The following LIAS variants were observed in gnomAD, a reference collection of about 807,000 sequenced individuals.
The protein encoded by LIAS is lipoyl synthase, mitochondrial.
A neutral mutation model predicts 49.4 loss-of-function variants in LIAS; 36 were observed. That is an observed-to-expected ratio of 0.73 (90% confidence interval 0.56 to 0.96). LIAS has a LOEUF of 0.96. Ranked by LOEUF, LIAS falls within the 40% of genes least tolerant of loss-of-function variation. The probability of loss-of-function intolerance (pLI) is 0.00; values close to 1 mark genes in which losing one functional copy is unlikely to be tolerated. For synonymous variants in LIAS, 145 were observed against 155.8 expected (o/e 0.93, Z 0.52); for missense variants, 399 against 456.3 (o/e 0.87, Z 1.14).
In LIAS at chr4:39,464,839, A is replaced by G. The variant is rs549639220; in HGVS notation, c.394-207A>G. Among the ~76,000 whole-genome samples, 3 of 152,178 alleles carry G rather than the reference A, an allele frequency of 2.0e-5. No homozygotes were observed. The East Asian group carries it at 5.8e-4, about 29-fold the overall frequency. On this transcript the variant is annotated intron_variant, in intron 4 of 10. Transcript: ENST00000640888. ...TCCCATCCCCTTTCCCCTGAACACT[A>G]TTCTTATTGCTGAGTTTATTATTTC...
chr4:39,464,996 C>A, intron 4 of LIAS, 50 bp from the exon 5 acceptor site: 1 of 1,490,700 alleles, frequency 6.7e-7, no homozygotes, highest in Admixed American at 1.8e-5. Flanking sequence ...ACATTATGTC[C>A]TTAAGGGTCA....
In LIAS at chr4:39,477,228, T is replaced by TAA. The variant is rs925155221; in HGVS notation, c.*123_*124dup. ...AGTGGATGTGCCCCACCTCTTTGCT[T>TAA]AAAAAAAAAAATGTCAATAGCCAGG... On this transcript the variant is annotated 3_prime_UTR_variant, in exon 11 of 11. Transcript: ENST00000640888. 2.6e-5 allele frequency: 16 copies of TAA among 619,960 alleles called. No homozygotes were observed. The highest frequency in any genetic ancestry group is 3.9e-5 in the African/African-American group (2 of 50,818). 38.4% of individuals were successfully genotyped at this position (619,960 alleles called of 1,614,324 possible). A position where few individuals can be genotyped will look rare whatever the true frequency, so the allele number is the denominator to read the frequency against.
chr4:39,469,819 G>A (rs867253892), intron 7 of LIAS, 200 bp from the exon 8 acceptor site: 3 of 419,364 alleles, frequency 7.2e-6, no homozygotes, highest in Middle Eastern at 5.4e-4. Context: ...CTCTGCCCCA[G>A]GCTTGAGATA....
In LIAS at chr4:39,460,533, C is replaced by CAAA. The variant is rs3836577; in HGVS notation, c.46-240_46-238dup. On this transcript the variant is annotated intron_variant, in intron 1 of 10. Coordinates refer to ENST00000640888, the MANE Select transcript of LIAS (RefSeq NM_006859.4). ...TGGGCAACAGAGCAAGACTCCGTCT[C>CAAA]AAAAAAAAAAAAAAAAAAACAGATT... Among the ~76,000 whole-genome samples, 35 of 98,132 alleles carry CAAA rather than the reference C, an allele frequency of 3.6e-4. 2 individuals are homozygous for CAAA. The East Asian group carries it at 3.9e-3, about 11-fold the overall frequency. 64.4% of individuals were successfully genotyped at this position (98,132 alleles called of 152,430 possible).
intron 9 of LIAS, 30 bp downstream of exon 9, chr4:39,471,336 T>TA (rs779668731): frequency 4.4e-5 from 69 of 1,552,636 alleles, no homozygotes; most frequent in Non-Finnish European, 5.8e-5. Flanking sequence ...CTTTTTTTTT[T>TA]TTTTTTTATT....
In LIAS at chr4:39,465,199, G is replaced by T. The variant is rs539712755; in HGVS notation, c.547G>T (p.Asp183Tyr). The change falls in exon 5 of 11, where the codon GAT becomes TAT. Residue 183 changes from aspartate (D) to tyrosine (Y), a missense_variant. Asp to Tyr is a radical substitution (Grantham distance 160). Coordinates refer to ENST00000640888, the MANE Select transcript of LIAS (RefSeq NM_006859.4). ...TGTTGTCCTGACATCTGTGGATCGAGATGGTTAGTGTGTCATCATGGCCTC... is the reference window on the plus strand; with the variant it reads ...TGTTGTCCTGACATCTGTGGATCGATATGGTTAGTGTGTCATCATGGCCTC... The part of the protein sequence containing the change: ...DYVVLTSVDR[D>Y]DMPDGGAEHI... 1 of 1,613,618 alleles carries T rather than the reference G, an allele frequency of 6.2e-7. No individual in the cohort carries two copies. The highest frequency in any genetic ancestry group is 1.7e-5 in the Admixed American group (1 of 59,994).
chr4:39,476,299 A>G (rs564435706), intron 10 of LIAS: 11 of 152,400 alleles, frequency 7.2e-5, no homozygotes, highest in Non-Finnish European at 1.6e-4. Context: ...ATGGAGCAGC[A>G]TGGATTACTT....
chr4:39,472,331 C>T (rs1745024458), intron 9 of LIAS, among the ~76,000 whole-genome samples: 1 of 152,118 alleles, frequency 6.6e-6, no homozygotes, highest in Non-Finnish European at 1.5e-5. Context: ...GTCATGCTGT[C>T]TCAGGGGTGG....
At position 39,459,369 on chromosome 4, in the gene LIAS, C is replaced by G. The variant is rs548272307; in HGVS notation, c.45+207C>G. The G allele has an allele frequency of 3.6e-5, 22 of 608,334 alleles. No homozygotes were observed. In the South Asian group the frequency reaches 4.4e-4, roughly 12 times the overall value. The allele number at this position is 608,334 out of a possible 1,614,324, so 37.7% of individuals were successfully genotyped here. A position where few individuals can be genotyped will look rare whatever the true frequency, so the allele number is the denominator to read the frequency against. ...CTGGCATCAGTTTGTTTGCAAGTCT[C>G]TCTGGGCCAGCACCGAGGACTTATT... On this transcript the variant is annotated intron_variant, in intron 1 of 10. Coordinates refer to ENST00000640888, the MANE Select transcript of LIAS (RefSeq NM_006859.4).
chr4:39,474,387 G>A (rs1028580476), intron 10 of LIAS, among the ~76,000 whole-genome samples: 9 of 151,754 alleles, frequency 5.9e-5, no homozygotes, highest in East Asian at 3.9e-4. Context: ...AGCTATGATC[G>A]TGTCACTACA....
At chr4:39,466,430 G>A (rs545946239) in intron 6 of LIAS, 2 of 152,216 alleles carry the variant, frequency 1.3e-5, no homozygotes, top group South Asian at 2.1e-4. Flanking sequence ...GTTTAAAAAA[G>A]CAATAGAACC....
At chr4:39,475,394 TAAGTA>T (rs1219206375) in intron 10 of LIAS, 5 of 148,230 alleles carry the variant, frequency 3.4e-5, no homozygotes, top group African/African-American at 1.3e-4. Flanking sequence ...AATAAATAAA[TAAGTA>T]AATAAATAAA....
At chr4:39,472,110 TAC>T (rs1164675335) in intron 9 of LIAS, among the ~76,000 whole-genome samples, 44 of 143,658 alleles carry the variant, frequency 3.1e-4, no homozygotes, top group Admixed American at 2.4e-3. Flanking sequence ...TATCTGTATA[TAC>T]ACACACACAT....
In LIAS at chr4:39,478,405, GAGGCACGAGAATTACTTGAGCCTGTGA is replaced by G. The variant is rs1745280730; in HGVS notation, c.*1293_*1319del. The G allele has an allele frequency of 6.6e-6, 1 of 152,220 alleles. No individual in the cohort carries two copies. The highest frequency in any genetic ancestry group is 1.5e-5 in the Non-Finnish European group (1 of 68,046). 9.4% of individuals were successfully genotyped at this position (152,220 alleles called of 1,614,324 possible). ...TGTAATCCCAGCTACTTGGGAGGCT[GAGGCACGAGAATTACTTGAGCCTGTGA>G]AGCAGAGATTGCAGTGAGGCGATAT... On this transcript the variant is annotated 3_prime_UTR_variant, in exon 11 of 11. Coordinates refer to ENST00000640888, the MANE Select transcript of LIAS (RefSeq NM_006859.4).
At chr4:39,473,306 A>G in intron 10 of LIAS, 95 bp downstream of exon 10, 1 of 767,374 alleles carries the variant, frequency 1.3e-6, no homozygotes, top group Non-Finnish European at 2.3e-6. Flanking sequence ...AAATTCTAAT[A>G]CCTTTGGTGG....
At chr4:39,469,905 T>C (rs1187363347) in intron 7 of LIAS, 114 bp from the exon 8 acceptor site, 3 of 935,876 alleles carry the variant, frequency 3.2e-6, no homozygotes, top group South Asian at 2.0e-5. Context: ...CTTTGAACTA[T>C]GTGATTTAAG....
At chr4:39,474,978 G>T (rs1232105427) in intron 10 of LIAS, 1 of 152,234 alleles carries the variant, frequency 6.6e-6, no homozygotes, top group Non-Finnish European at 1.5e-5. Flanking sequence ...GGAGGCCGAG[G>T]TGGGCAGATC....
At chr4:39,474,616 G>A (rs1019802867) in intron 10 of LIAS, among the ~76,000 whole-genome samples, 1 of 148,200 alleles carries the variant, frequency 6.7e-6, no homozygotes, top group Non-Finnish European at 1.5e-5. Flanking sequence ...TTTTTTTTTA[G>A]ATGCAGTCTC....
At position 39,471,268 on chromosome 4, in the gene LIAS, T is replaced by C. The variant is rs779455306; in HGVS notation, c.916T>C (p.Leu306=). Residue 306 remains leucine (L), a synonymous_variant, in exon 9 of 11, where the codon TTA becomes CTA. Transcript: ENST00000640888. The stretch of plus-strand genomic sequence containing the variant: ...TGAGGCAGATGTAGACTGCTTGACT[T>C]TAGGACAATATATGCAGCCAACAAG... ...LREADVDCLT[L]GQYMQPTRRH... is the part of the protein sequence containing the mutation. 4 of 1,613,154 alleles carry C rather than the reference T, an allele frequency of 2.5e-6. No individual in the cohort carries two copies. The East Asian group carries it at 8.9e-5, about 36-fold the overall frequency.
Sources: gnomAD v4.1 joint callset for allele counts (sites outside exome capture counted in the v4.1 genomes callset) on GRCh38, gnomAD v4.1.1 for gene constraint, MANE v1.5 for transcripts, NCBI Gene and HGNC (gene_info 2026-07-23, HGNC 2026-07-21) for gene names.